The following TXNDC2 variants were observed in gnomAD, a reference collection of about 807,000 sequenced individuals.
The protein encoded by TXNDC2 is thioredoxin domain containing 2.
TXNDC2 carries 1 observed loss-of-function variant against 0.4 expected under a neutral mutation model. The ratio of observed to expected loss-of-function variants is 2.30; its 90% CI spans 0.82 to 10.89. TXNDC2 has a LOEUF of 10.89. TXNDC2 is among the 30% of genes most tolerant of loss of function. The probability of loss-of-function intolerance (pLI) is 0.12; values close to 1 mark genes in which losing one functional copy is unlikely to be tolerated. For synonymous variants in TXNDC2, 183 were observed against 224.6 expected (o/e 0.81, Z 1.66); for missense variants, 509 against 579.8 (o/e 0.88, Z 1.25).
In TXNDC2 at chr18:9,887,836, A is replaced by G; in HGVS notation, c.1156A>G (p.Ile386Val). Residue 386 changes from isoleucine to valine, a missense_variant, in exon 2 of 2, where the codon ATC (isoleucine) becomes GTC (valine). Around this residue, in one of 5 missense-constraint regions of TXNDC2, gnomAD observed 229 missense variants for 243.8 expected, o/e 0.94. Transcript: ENST00000357775. ...EFPEGDKVKV[I>V]LSKEDFEASL... is the part of the protein sequence containing the mutation. ...CCCGGAGGGGGACAAGGTGAAAGTG[A>G]TCCTGAGCAAGGAGGACTTTGAGGC... is the stretch of plus-strand genomic sequence containing the variant. The G allele has an allele frequency of 1.2e-6, 2 of 1,610,190 alleles. No individual in the cohort carries two copies. The highest frequency in any genetic ancestry group is 2.2e-5 in the East Asian group (1 of 44,808).
Position 9,886,063 on chromosome 18 carries a change from G to A in TXNDC2, c.-110G>A. On this transcript the variant is annotated 5_prime_UTR_variant, in exon 1 of 2. Transcript: ENST00000357775. ...TGAATACAGAGAGGGAAAACCAACT[G>A]TAACGTGCCACCCAAATGTAAGTTT... is the stretch of plus-strand genomic sequence containing the variant. The A allele has an allele frequency of 1.2e-6, 1 of 834,720 alleles. No homozygotes were observed. Among genetic ancestry groups the A allele is most frequent in the Non-Finnish European group, 1.9e-6 (1 of 521,916 alleles). The allele number at this position is 834,720 out of a possible 1,614,324, so 51.7% of individuals were successfully genotyped here.
At position 9,887,192 on chromosome 18, in the gene TXNDC2, A is replaced by C. The variant is rs746275746; in HGVS notation, c.512A>C (p.Asp171Ala). 1 of 1,593,226 alleles carries C rather than the reference A, an allele frequency of 6.3e-7. No individual in the cohort carries two copies. The highest frequency in any genetic ancestry group is 8.6e-7 in the Non-Finnish European group (1 of 1,165,892). Residue 171 changes from aspartate (D) to alanine (A), a missense_variant, in exon 2 of 2, where the codon GAT (aspartate) becomes GCT (alanine). Around this residue, in one of 5 missense-constraint regions of TXNDC2, gnomAD observed 187 missense variants for 218.0 expected, o/e 0.86. Transcript: ENST00000357775. ...SVKPSQPKES[D>A]IPKSPEETIQ... ...AAGCCCAGCCAGCCCAAGGAGAGTG[A>C]TATCCCCAAGTCCCCAGAAGAAACC...
chr18:9,889,084 T>C lies in TXNDC2; in HGVS notation c.*943T>C, dbSNP rs2068978742. On this transcript the variant is annotated 3_prime_UTR_variant, in exon 2 of 2. Transcript: ENST00000357775. ...GTCTATGAGCCCAAAGTCCCAGGTC[T>C]GAACCATAGACAGAGGCTTAGTCCA... 6.6e-6 allele frequency: 1 copy of C among 152,216 alleles called. No individual in the cohort carries two copies. Among genetic ancestry groups the C allele is most frequent in the African/African-American group, 2.4e-5 (1 of 41,436 alleles). 9.4% of individuals were successfully genotyped at this position (152,216 alleles called of 1,614,324 possible).
At position 9,887,177 on chromosome 18, in the gene TXNDC2, A is replaced by T; in HGVS notation, c.497A>T (p.Gln166Leu). The part of the protein sequence containing the change: ...NIAKTSVKPS[Q>L]PKESDIPKSP... The stretch of plus-strand genomic sequence containing the variant: ...GCCAAGACCTCAGTGAAGCCCAGCC[A>T]GCCCAAGGAGAGTGATATCCCCAAG... Residue 166 changes from glutamine to leucine, a missense_variant, in exon 2 of 2, where the codon CAG becomes CTG. By Grantham distance (113) the Gln-to-Leu change is moderately radical (BLOSUM62 -2). Transcript: ENST00000357775. 1 of 1,583,970 alleles carries T rather than the reference A, an allele frequency of 6.3e-7. No homozygotes were observed. The highest frequency in any genetic ancestry group is 8.6e-7 in the Non-Finnish European group (1 of 1,158,546).
Position 9,886,040 on chromosome 18 carries a change from A to T in TXNDC2, c.-133A>T, listed in dbSNP as rs927553671. ...GAAGCTCTCAAATATCACTGTTGTG[A>T]ATACAGAGAGGGAAAACCAACTGTA... On this transcript the variant is annotated 5_prime_UTR_variant, in exon 1 of 2. Transcript: ENST00000357775. 2 of 681,656 alleles carry T rather than the reference A, an allele frequency of 2.9e-6. No homozygotes were observed. Among genetic ancestry groups the T allele is most frequent in the East Asian group, 5.5e-5 (2 of 36,364 alleles). 42.2% of individuals were successfully genotyped at this position (681,656 alleles called of 1,614,324 possible).
chr18:9,886,472 T>G (rs573126562), intron 1 of TXNDC2, 117 bp from the exon 2 acceptor site: 2 of 1,034,510 alleles, frequency 1.9e-6, no homozygotes, highest in South Asian at 1.8e-5. Context: ...ACTTCATTCG[T>G]GATCTCGAAG....
At position 9,887,359 on chromosome 18, in the gene TXNDC2, C is replaced by G; in HGVS notation, c.679C>G (p.Pro227Ala). The G allele has an allele frequency of 6.3e-7, 1 of 1,580,534 alleles. No homozygotes were observed. Among genetic ancestry groups the G allele is most frequent in the Middle Eastern group, 1.7e-4 (1 of 5,932 alleles). The change falls in exon 2 of 2, where the codon CCC becomes GCC. Residue 227 changes from proline to alanine, a missense_variant. Physicochemically the swap from Pro to Ala is conservative, Grantham distance 27. Transcript: ENST00000357775. ...CAAGTCCCCAGAAGAAGCCATCCAGCCCAAGGAGGGTGACCTCCCCAAGTC... is the reference window on the plus strand; with the variant it reads ...CAAGTCCCCAGAAGAAGCCATCCAGGCCAAGGAGGGTGACCTCCCCAAGTC... Reference protein sequence around the residue: ...ISKSPEEAIQPKEGDLPKSLE... With the variant: ...ISKSPEEAIQAKEGDLPKSLE...
At position 9,887,322 on chromosome 18, in the gene TXNDC2, G is replaced by A. The variant is rs762032933; in HGVS notation, c.642G>A (p.Glu214=). The stretch of plus-strand genomic sequence containing the variant: ...CAGTGAAGCCCAGCCAGCCCAAGGA[G>A]GGTGACATCTCCAAGTCCCCAGAAG... ...KASVKPSQPK[E]GDISKSPEEA... Residue 214 remains glutamate (E), a synonymous_variant, in exon 2 of 2, where the codon GAG becomes GAA. Coordinates refer to ENST00000357775, the MANE Select transcript of TXNDC2 (RefSeq NM_032243.6). The A allele has an allele frequency of 2.5e-6, 4 of 1,593,564 alleles. No homozygotes were observed. The highest frequency in any genetic ancestry group is 3.4e-6 in the Non-Finnish European group (4 of 1,169,424).
Position 9,887,707 on chromosome 18 carries a change from G to A in TXNDC2, c.1027G>A (p.Glu343Lys). ...GATTGACATCCCCAAGTCCCCAGAA[G>A]AAACCATCCAGCCCAAGGAGGATGA... ...KEIDIPKSPE[E>K]TIQPKEDDSP... is the part of the protein sequence containing the mutation. Residue 343 changes from glutamate to lysine, a missense_variant, in exon 2 of 2, where the codon GAA becomes AAA. Glu to Lys is a moderately conservative substitution (Grantham distance 56). Transcript: ENST00000357775. The A allele has an allele frequency of 2.5e-6, 4 of 1,612,942 alleles. No homozygotes were observed. Among genetic ancestry groups the A allele is most frequent in the Non-Finnish European group, 3.4e-6 (4 of 1,179,644 alleles).
At position 9,888,056 on chromosome 18, in the gene TXNDC2, A is replaced by C. The variant is rs750187095; in HGVS notation, c.1376A>C (p.Gln459Pro). 3 of 1,614,154 alleles carry C rather than the reference A, an allele frequency of 1.9e-6. No individual in the cohort carries two copies. The highest frequency in any genetic ancestry group is 2.5e-6 in the Non-Finnish European group (3 of 1,179,998). Reference sequence around the variant, plus strand: ...GCCATCATGTGTGTCCCAACCTTTCAGTTTTATAAAAAAGAAGAAAAGGTG... The same window carrying C: ...GCCATCATGTGTGTCCCAACCTTTCCGTTTTATAAAAAAGAAGAAAAGGTG... The part of the protein sequence containing the change: ...ECAIMCVPTF[Q>P]FYKKEEKVDE... Residue 459 changes from glutamine (Q) to proline (P), a missense_variant, in exon 2 of 2, where the codon CAG becomes CCG. Transcript: ENST00000357775.
In TXNDC2 at chr18:9,887,017, C is replaced by G; in HGVS notation, c.337C>G (p.Pro113Ala). ...KPSQPKEGDI[P>A]KAPEETIQSK... Reference sequence around the variant, plus strand: ...CAGCCAGCCCAAGGAGGGTGACATCCCCAAGGCCCCAGAAGAAACCATCCA... The same window carrying G: ...CAGCCAGCCCAAGGAGGGTGACATCGCCAAGGCCCCAGAAGAAACCATCCA... Residue 113 changes from proline to alanine, a missense_variant, in exon 2 of 2, where the codon CCC becomes GCC. By Grantham distance (27) the Pro-to-Ala change is conservative. Coordinates refer to ENST00000357775, the MANE Select transcript of TXNDC2 (RefSeq NM_032243.6). 6.3e-7 allele frequency: 1 copy of G among 1,593,222 alleles called. No individual in the cohort carries two copies. The highest frequency in any genetic ancestry group is 8.5e-7 in the Non-Finnish European group (1 of 1,171,944).
Position 9,887,987 on chromosome 18 carries a change from T to C in TXNDC2, c.1307T>C (p.Leu436Pro). The C allele has an allele frequency of 6.2e-7, 1 of 1,614,198 alleles. No homozygotes were observed. The highest frequency in any genetic ancestry group is 8.5e-7 in the Non-Finnish European group (1 of 1,180,028). ...GTGAAGCATGAGGATGTGGTGTTCC[T>C]GGAGGTGGACGCTGACAACTGTGAG... ...LSVKHEDVVF[L>P]EVDADNCEEV... Residue 436 changes from leucine (L) to proline (P), a missense_variant, in exon 2 of 2, where the codon CTG becomes CCG. Transcript: ENST00000357775.
At chr18:9,886,493 G>A (rs1004072626) in intron 1 of TXNDC2, 96 bp from the exon 2 acceptor site, 23 of 1,122,638 alleles carry the variant, frequency 2.0e-5, no homozygotes, top group Middle Eastern at 2.9e-4. Flanking sequence ...AGTGACATCA[G>A]TCTTCCTTGG....
Position 9,887,994 on chromosome 18 carries a change from G to A in TXNDC2, c.1314G>A (p.Val438=), listed in dbSNP as rs778579970. Residue 438 remains valine (V), a synonymous_variant, in exon 2 of 2, where the codon GTG becomes GTA. Coordinates refer to ENST00000357775, the MANE Select transcript of TXNDC2 (RefSeq NM_032243.6). ...VKHEDVVFLE[V]DADNCEEVVR... Reference sequence around the variant, plus strand: ...ATGAGGATGTGGTGTTCCTGGAGGTGGACGCTGACAACTGTGAGGAGGTGG... The same window carrying A: ...ATGAGGATGTGGTGTTCCTGGAGGTAGACGCTGACAACTGTGAGGAGGTGG... The A allele has an allele frequency of 1.2e-6, 2 of 1,614,186 alleles. No individual in the cohort carries two copies. Among genetic ancestry groups the A allele is most frequent in the Non-Finnish European group, 1.7e-6 (2 of 1,180,036 alleles).
rs2068975279 is a variant in TXNDC2 at position 9,888,431 on chromosome 18, T to C, written c.*290T>C. 6.9e-6 allele frequency: 2 copies of C among 291,846 alleles called. No homozygotes were observed. Among genetic ancestry groups the C allele is most frequent in the Non-Finnish European group, 6.3e-6 (1 of 158,268 alleles). The allele number at this position is 291,846 out of a possible 1,614,324, so 18.1% of individuals were successfully genotyped here. On this transcript the variant is annotated 3_prime_UTR_variant, in exon 2 of 2. Transcript: ENST00000357775. ...TTGATATGTATTTATTTTTCACTTGTCTTTGAAAATTTCACGCATTTAGTG... is the reference window on the plus strand; with the variant it reads ...TTGATATGTATTTATTTTTCACTTGCCTTTGAAAATTTCACGCATTTAGTG...
chr18:9,886,816 C>T lies in TXNDC2; in HGVS notation c.136C>T (p.Gln46Ter), dbSNP rs1004550252. 1 of 1,613,862 alleles carries T rather than the reference C, an allele frequency of 6.2e-7. No homozygotes were observed. Among genetic ancestry groups the T allele is most frequent in the Admixed American group, 1.7e-5 (1 of 59,986 alleles). ...DSPKSSEETI[Q>*]PKEGDIPKAP... Reference sequence around the variant, plus strand: ...CCCCAAGTCCTCAGAAGAAACCATCCAGCCCAAGGAGGGTGACATCCCCAA... The same window carrying T: ...CCCCAAGTCCTCAGAAGAAACCATCTAGCCCAAGGAGGGTGACATCCCCAA... The change falls in exon 2 of 2, where the codon CAG becomes TAG. Residue 46 changes from glutamine to a stop codon, truncating the protein, a stop_gained. Coordinates refer to ENST00000357775, the MANE Select transcript of TXNDC2 (RefSeq NM_032243.6). LOFTEE classifies it low-confidence loss of function (END_TRUNC).
At chr18:9,886,301 G>T in intron 1 of TXNDC2, 1 of 1,608,326 alleles carries the variant, frequency 6.2e-7, no homozygotes, top group Non-Finnish European at 8.5e-7. Flanking sequence ...GGGGAGGAAA[G>T]AGGGTTGCCT....
chr18:9,886,011 C>G lies in TXNDC2; in HGVS notation c.-162C>G. ...TCCCAGCCTCAGCACAGGGGAGCCA[C>G]CTTGAAGCTCTCAAATATCACTGTT... On this transcript the variant is annotated 5_prime_UTR_variant, in exon 1 of 2. Coordinates refer to ENST00000357775, the MANE Select transcript of TXNDC2 (RefSeq NM_032243.6). The G allele has an allele frequency of 1.7e-6, 1 of 597,482 alleles. No homozygotes were observed. The allele number at this position is 597,482 out of a possible 1,614,324, so 37.0% of individuals were successfully genotyped here.
rs1186321253 is a variant in TXNDC2, at chr18:9,888,951, C to G, written c.*810C>G. On this transcript the variant is annotated 3_prime_UTR_variant, in exon 2 of 2. Coordinates refer to ENST00000357775, the MANE Select transcript of TXNDC2 (RefSeq NM_032243.6). ...TTATTTTCAATATTGAACAAGCCAG[C>G]CTTTAACATGACTCTACCAGCTTAG... 5 of 152,138 alleles carry G rather than the reference C, an allele frequency of 3.3e-5. No homozygotes were observed. The highest frequency in any genetic ancestry group is 4.1e-4 in the South Asian group (2 of 4,824). 9.4% of individuals were successfully genotyped at this position (152,138 alleles called of 1,614,324 possible).
Sources: allele counts gnomAD v4.1 joint callset, GRCh38; gene constraint gnomAD v4.1.1; regional missense constraint gnomAD v4.1.1; transcripts MANE v1.5; gene names NCBI Gene and HGNC (gene_info 2026-07-23, HGNC 2026-07-21).